CIROZ: variants seen among roughly 807,000 people sequenced by gnomAD.
The protein encoded by CIROZ is ciliated left-right organizer protein containing ZP-N domains, also known as ciliated left-right organizer ZP-N domains-containing protein.
the CIROZ span, chr1:10,970,153 GAAGA>G: frequency 1.2e-5 from 16 of 1,349,558 alleles, no homozygotes; most frequent in African/African-American, 3.0e-5. Context: ...AGGAAGGAAG[GAAGA>G]AAGGAAGGAA....
At chr1:10,951,745 A>AAAAAAAAATATATAT in the CIROZ span, among the ~76,000 whole-genome samples, 40 of 119,166 alleles carry the variant, frequency 3.4e-4, no homozygotes, top group Admixed American at 3.4e-4. Context: ...AAAAAAAAAA[A>AAAAAAAAATATATAT]ATATATATAT....
At chr1:10,948,819 G>T in the CIROZ span, 3 of 1,511,028 alleles carry the variant, frequency 2.0e-6, no homozygotes, top group African/African-American at 2.8e-5. Flanking sequence ...CGGTTTGGCT[G>T]TTTGCAGGAA....
At chr1:10,975,410 A>G in the CIROZ span, among the ~76,000 whole-genome samples, 24 of 77,882 alleles carry the variant, frequency 3.1e-4, no homozygotes, top group Non-Finnish European at 1.4e-4. Flanking sequence ...TGTCTCAGAA[A>G]AAAAAAAAAA....
At chr1:10,956,870 C>T in the CIROZ span, among the ~76,000 whole-genome samples, 3 of 152,268 alleles carry the variant, frequency 2.0e-5, no homozygotes, top group East Asian at 1.9e-4. Flanking sequence ...CTCTTTGTCC[C>T]GAGCATTTCT....
chr1:10,956,074 C>T, the CIROZ span, among the ~76,000 whole-genome samples: 1 of 152,068 alleles, frequency 6.6e-6, no homozygotes, highest in Admixed American at 6.6e-5. Flanking sequence ...GAGCCCTGAG[C>T]CCTGATCCCG....
the CIROZ span, among the ~76,000 whole-genome samples, chr1:10,977,873 C>T: frequency 6.6e-6 from 1 of 152,054 alleles, no homozygotes; most frequent in Non-Finnish European, 1.5e-5. Flanking sequence ...TTTGTTTATT[C>T]CAAATTTCTG....
At chr1:10,949,599 GC>G in the CIROZ span, 1 of 1,584,270 alleles carries the variant, frequency 6.3e-7, no homozygotes, top group Middle Eastern at 2.2e-4. Context: ...GAAACCATGG[GC>G]AGAGGATGCA....
chr1:10,971,333 C>T, the CIROZ span, among the ~76,000 whole-genome samples: 3 of 151,216 alleles, frequency 2.0e-5, no homozygotes, highest in South Asian at 2.1e-4. Flanking sequence ...ATTCTTGACA[C>T]GGCAGCCACA....
the CIROZ span, among the ~76,000 whole-genome samples, chr1:10,980,918 G>C: frequency 1.3e-5 from 2 of 152,130 alleles, no homozygotes; most frequent in Admixed American, 6.6e-5. Flanking sequence ...CCCCTTGCTC[G>C]CCCAGCCCCA....
At chr1:10,960,883 A>T in the CIROZ span, among the ~76,000 whole-genome samples, 2 of 148,232 alleles carry the variant, frequency 1.3e-5, no homozygotes, top group Non-Finnish European at 3.0e-5. This position sits in a 1 kb window ranked among gnomAD's most constrained non-coding sequence, Gnocchi z 4.6. Context: ...GAATCAGTCA[A>T]TTCGATGAGG....
chr1:10,949,740 T>C, the CIROZ span: 12 of 1,587,918 alleles, frequency 7.6e-6, no homozygotes, highest in Non-Finnish European at 9.4e-6. Context: ...GCTGGAGGGG[T>C]CTCTGGTCCT....
the CIROZ span, among the ~76,000 whole-genome samples, chr1:10,969,305 CTCCAGAAGGT>C: frequency 5.3e-5 from 8 of 152,154 alleles, no homozygotes; most frequent in East Asian, 1.9e-4. Flanking sequence ...CTCGTGTTCC[CTCCAGAAGGT>C]TCCAGAAGGT....
the CIROZ span, chr1:10,955,038 C>G: frequency 6.2e-7 from 1 of 1,613,376 alleles, no homozygotes; most frequent in Non-Finnish European, 8.5e-7. Flanking sequence ...CCACAAAGTC[C>G]TTGTTCTCAG....
At chr1:10,963,939 C>T in the CIROZ span, among the ~76,000 whole-genome samples, 2 of 152,148 alleles carry the variant, frequency 1.3e-5, no homozygotes, top group African/African-American at 4.8e-5. Context: ...CAGAACCCAA[C>T]CCAGCAGAGA....
chr1:10,969,804 C>T, the CIROZ span, among the ~76,000 whole-genome samples: 585 of 152,098 alleles, frequency 3.8e-3, 3 homozygotes, highest in African/African-American at 0.012. Context: ...TGGGCGTGGA[C>T]GACTTTAGAG....
the CIROZ span, chr1:10,964,389 T>G: frequency 3.2e-6 from 4 of 1,233,964 alleles, 1 homozygote; most frequent in Non-Finnish European, 4.4e-6. Context: ...TCCTAGAAGG[T>G]GGGCTTGTGG....
the CIROZ span, among the ~76,000 whole-genome samples, chr1:10,951,331 G>A: frequency 5.3e-5 from 8 of 152,242 alleles, no homozygotes; most frequent in East Asian, 3.9e-4. Context: ...ACGGGAGGCT[G>A]AGGCGGCTGG....
chr1:10,975,606 G>C, the CIROZ span, among the ~76,000 whole-genome samples: 3 of 149,348 alleles, frequency 2.0e-5, no homozygotes, highest in Admixed American at 2.0e-4. Context: ...AAAAAAAAAA[G>C]GAAATGAAAT....
chr1:10,973,809 T>C, the CIROZ span, among the ~76,000 whole-genome samples: 1 of 152,022 alleles, frequency 6.6e-6, no homozygotes, highest in African/African-American at 2.4e-5. Context: ...CTGCCCAAAC[T>C]GCAGCTGTGG....
Sources: allele counts gnomAD v4.1 joint callset (sites outside exome capture counted in the v4.1 genomes callset), GRCh38; gene constraint gnomAD v4.1.1; non-coding constraint Gnocchi (gnomAD v3.1); transcripts MANE v1.5; gene names NCBI Gene and HGNC (gene_info 2026-07-23, HGNC 2026-07-21).